Variants in DNM2 observed in about 807,000 individuals in gnomAD.
The protein encoded by DNM2 is dynamin-2.
A neutral mutation model predicts 99.0 loss-of-function variants in DNM2; 15 were observed. The observed-to-expected ratio is 0.15, with a 90% CI of 0.10 to 0.23. The LOEUF (loss-of-function observed/expected upper bound fraction) is 0.23. Among genes scored for constraint, DNM2 ranks in the 10% least tolerant of loss-of-function variants. The pLI is 1.00. For synonymous variants in DNM2, 525 were observed against 481.2 expected, an observed-to-expected ratio of 1.09 and a Z score of -1.19; for missense variants, 742 against 1,189.4, an observed-to-expected ratio of 0.62 and a Z score of 5.53.
chr19:10,742,411 T>C (rs1167834016), intron 1 of DNM2, among the ~76,000 whole-genome samples: 1 of 152,190 alleles, frequency 6.6e-6, no homozygotes, highest in East Asian at 1.9e-4. Context: ...TCCTGTGGAA[T>C]AGGGCCTTAT....
At chr19:10,744,019 G>A (rs1034501091) in intron 1 of DNM2, among the ~76,000 whole-genome samples, 3 of 151,392 alleles carry the variant, frequency 2.0e-5, no homozygotes, top group Non-Finnish European at 4.4e-5. Context: ...TTAGCCAGAC[G>A]TGGTAGCATA....
In DNM2 at chr19:10,820,557, G is replaced by T. The variant is rs2072938953; in HGVS notation, c.1781+468G>T. Among the ~76,000 whole-genome samples, 1 of 152,242 alleles carries T rather than the reference G, an allele frequency of 6.6e-6. No homozygotes were observed. Among genetic ancestry groups the T allele is most frequent in the African/African-American group, 2.4e-5 (1 of 41,460 alleles). On this transcript the variant is annotated intron_variant, in intron 16 of 20. Coordinates refer to ENST00000389253, the MANE Select transcript of DNM2 (RefSeq NM_001005361.3). This position sits in a 1 kb window ranked among gnomAD's most constrained non-coding sequence, Gnocchi z 4.3. ...AGCCCTGGTGGGCATGGATATGAGAGAGAAAGGCACCAATTGTGACCCTGA... is the reference window on the plus strand; with the variant it reads ...AGCCCTGGTGGGCATGGATATGAGATAGAAAGGCACCAATTGTGACCCTGA...
rs529442921 is a variant in DNM2, at chr19:10,778,328, C to T, written c.688+1112C>T. On this transcript the variant is annotated intron_variant, in intron 5 of 20. Transcript: ENST00000389253. ...GATTACAGGTGTGAGCCACCGCACC[C>T]GGCCATCTTCCTGGAAGATTTTAAC... Among the ~76,000 whole-genome samples, 60 of 152,126 alleles carry T rather than the reference C, an allele frequency of 3.9e-4. 1 individual carries two copies. Among genetic ancestry groups the T allele is most frequent in the Middle Eastern group, 6.8e-3 (2 of 294 alleles).
intron 1 of DNM2, among the ~76,000 whole-genome samples, chr19:10,737,333 T>C (rs1260998798): frequency 1.3e-5 from 2 of 152,006 alleles, no homozygotes; most frequent in African/African-American, 2.4e-5. Context: ...TCATCAGCAT[T>C]CTAAGGCCTC....
intron 1 of DNM2, among the ~76,000 whole-genome samples, chr19:10,751,118 G>A (rs1241758347): frequency 6.6e-6 from 1 of 151,984 alleles, no homozygotes; most frequent in Non-Finnish European, 1.5e-5. Flanking sequence ...GAAAAATGAG[G>A]CATGGGGGGT....
At chr19:10,808,855 G>T (rs1177091671) in intron 14 of DNM2, 5 of 446,498 alleles carry the variant, frequency 1.1e-5, no homozygotes, top group South Asian at 3.4e-5. Context: ...GTAGGTCAGG[G>T]ATGGCAAATA....
At chr19:10,726,167 C>T (rs2069107354) in intron 1 of DNM2, among the ~76,000 whole-genome samples, 2 of 150,674 alleles carry the variant, frequency 1.3e-5, no homozygotes, top group African/African-American at 4.9e-5. Context: ...TGCAGTGAGC[C>T]GAGATCGTGC....
intron 1 of DNM2, among the ~76,000 whole-genome samples, chr19:10,755,974 C>T (rs751285226): frequency 7.2e-5 from 11 of 152,138 alleles, no homozygotes; most frequent in Non-Finnish European, 1.3e-4. Context: ...TGAGACACTG[C>T]GTCTCTGATG....
chr19:10,807,538 C>A (rs1311650281), intron 13 of DNM2, among the ~76,000 whole-genome samples: 1 of 131,400 alleles, frequency 7.6e-6, no homozygotes, highest in South Asian at 2.5e-4. Context: ...TCACGTCCAG[C>A]CTTTTTTTTT....
At chr19:10,784,317 G>A (rs1035559004) in intron 6 of DNM2, among the ~76,000 whole-genome samples, 5 of 152,144 alleles carry the variant, frequency 3.3e-5, no homozygotes, top group South Asian at 2.1e-4. Context: ...CGCGGGGGCC[G>A]GGAAAAGAGC....
intron 1 of DNM2, among the ~76,000 whole-genome samples, chr19:10,735,256 T>C (rs2069481579): frequency 6.6e-6 from 1 of 152,088 alleles, no homozygotes; most frequent in Non-Finnish European, 1.5e-5. Context: ...GCCAGGATGG[T>C]CTCGATCTCC....
intron 1 of DNM2, among the ~76,000 whole-genome samples, chr19:10,747,710 C>A (rs968124639): frequency 6.6e-6 from 1 of 152,160 alleles, no homozygotes; most frequent in African/African-American, 2.4e-5. Context: ...CGGGACCCTG[C>A]GCCCATGAGG....
rs751080240 is a variant in DNM2, at chr19:10,817,526, C to G, written c.1672-2454C>G. Reference sequence around the variant, plus strand: ...CCGGCTATCCATCCTGCAGAACCCCCCAGGCAGACGCTGGGGCCACCAGGC... The same window carrying G: ...CCGGCTATCCATCCTGCAGAACCCCGCAGGCAGACGCTGGGGCCACCAGGC... On this transcript the variant is annotated intron_variant, in intron 15 of 20. Coordinates refer to ENST00000389253, the MANE Select transcript of DNM2 (RefSeq NM_001005361.3). The surrounding 1 kb of genome is among the most constrained non-coding windows in gnomAD (Gnocchi z 4.6). 4.5e-6 allele frequency: 2 copies of G among 441,024 alleles called. No homozygotes were observed. The highest frequency in any genetic ancestry group is 3.3e-5 in the South Asian group (2 of 61,180). 27.3% of individuals were successfully genotyped at this position (441,024 alleles called of 1,614,324 possible).
At chr19:10,761,871 A>G (rs1293318494) in intron 2 of DNM2, among the ~76,000 whole-genome samples, 1 of 152,146 alleles carries the variant, frequency 6.6e-6, no homozygotes, top group Non-Finnish European at 1.5e-5. Context: ...GAGCTCTGCT[A>G]TTTCGTACGC....
At chr19:10,757,625 A>C (rs2070438182) in intron 1 of DNM2, among the ~76,000 whole-genome samples, 1 of 152,108 alleles carries the variant, frequency 6.6e-6, no homozygotes. Context: ...AACGATCCAA[A>C]CATCTAGGTG....
chr19:10,767,235 T>C (rs986511096), intron 2 of DNM2, among the ~76,000 whole-genome samples: 2 of 143,172 alleles, frequency 1.4e-5, no homozygotes, highest in Non-Finnish European at 3.1e-5. Flanking sequence ...AAAAAAAAAA[T>C]CATCTCATCT....
intron 1 of DNM2, among the ~76,000 whole-genome samples, chr19:10,729,163 T>C (rs1299891367): frequency 2.7e-3 from 2 of 728 alleles, no homozygotes; most frequent in South Asian, 0.033. Flanking sequence ...AGACTCCGTC[T>C]CAAAAAAAAA....
chr19:10,813,572 C>T lies in DNM2; in HGVS notation c.1671+1195C>T, dbSNP rs184228447. On this transcript the variant is annotated intron_variant, in intron 15 of 20. Transcript: ENST00000389253. ...GGCACGGTGCCTCAGGCCTATAATC[C>T]CAGCACTTTGGGAGGCTGAGGTGGG... Among the ~76,000 whole-genome samples the T allele has an allele frequency of 3.3e-5, 5 of 151,714 alleles. No homozygotes were observed. The East Asian group carries it at 9.7e-4, about 29-fold the overall frequency.
chr19:10,761,021 G>A (rs955306761), intron 2 of DNM2, among the ~76,000 whole-genome samples: 6 of 151,408 alleles, frequency 4.0e-5, no homozygotes, highest in African/African-American at 1.5e-4. Context: ...ACAAAGTCTT[G>A]CTCTGTCGCC....
Sources: gnomAD v4.1 joint callset for allele counts (sites outside exome capture counted in the v4.1 genomes callset) on GRCh38, gnomAD v4.1.1 for gene constraint, Gnocchi (gnomAD v3.1) non-coding constraint, MANE v1.5 for transcripts, NCBI Gene and HGNC (gene_info 2026-07-23, HGNC 2026-07-21) for gene names.